TTC7B: variants seen among roughly 807,000 people sequenced by gnomAD.
TTC7B encodes the protein tetratricopeptide repeat domain 7B, also known as tetratricopeptide repeat protein 7B.
TTC7B carries 28 observed loss-of-function variants against 106.8 expected under a neutral mutation model. The observed-to-expected ratio is 0.26, with a 90% CI of 0.19 to 0.36. TTC7B has a LOEUF of 0.36. TTC7B is among the 10% of genes least tolerant of loss of function. The pLI, the probability that TTC7B is intolerant of heterozygous loss-of-function variation, is 1.00. For synonymous variants in TTC7B, 405 were observed against 430.6 expected (o/e 0.94, Z 0.74); for missense variants, 862 against 1,076.4 (o/e 0.80, Z 2.79).
At chr14:90,801,931 G>A (rs2140057256) in intron 1 of TTC7B, among the ~76,000 whole-genome samples, 1 of 152,098 alleles carries the variant, frequency 6.6e-6, no homozygotes, top group Non-Finnish European at 1.5e-5. Context: ...TATGGTGGTG[G>A]GTGCCTGTAA....
In TTC7B at chr14:90,541,125, T is replaced by G; in HGVS notation, c.*243A>C. Reference sequence around the variant, plus strand: ...ATGTCAACTAACAAAATATGGCACATGATCCATTTTGAACAATGTCAATAG... The same window carrying G: ...ATGTCAACTAACAAAATATGGCACAGGATCCATTTTGAACAATGTCAATAG... On this transcript the variant is annotated 3_prime_UTR_variant, in exon 20 of 20. Transcript: ENST00000328459. 1 of 419,010 alleles carries G rather than the reference T, an allele frequency of 2.4e-6. No homozygotes were observed. Among genetic ancestry groups the G allele is most frequent in the Non-Finnish European group, 4.2e-6 (1 of 236,790 alleles). The allele number at this position is 419,010 out of a possible 1,614,324, so 26.0% of individuals were successfully genotyped here. A position where few individuals can be genotyped will look rare whatever the true frequency, so the allele number is the denominator to read the frequency against.
At chr14:90,671,946 GCA>G (rs1185263042) in intron 9 of TTC7B, among the ~76,000 whole-genome samples, 19 of 152,196 alleles carry the variant, frequency 1.2e-4, no homozygotes, top group Admixed American at 1.2e-3. Flanking sequence ...ACCCCTGTGA[GCA>G]CAGTTATTAA....
rs1435659740 is a variant in TTC7B at position 90,711,498 on chromosome 14, T to A, written c.699-15920A>T. ...GTGCACTGGTGCAATATCAGCTCAC[T>A]GCAACCTCTGCCTCGCTGGTTCAAG... is the stretch of plus-strand genomic sequence containing the variant. On this transcript the variant is annotated intron_variant, in intron 5 of 19. Coordinates refer to ENST00000328459, the MANE Select transcript of TTC7B (RefSeq NM_001010854.2). Among the ~76,000 whole-genome samples the A allele has an allele frequency of 5.9e-5, 9 of 152,232 alleles. No homozygotes were observed. The East Asian group carries it at 1.5e-3, about 26-fold the overall frequency.
rs745959779 is a variant in TTC7B, at chr14:90,657,319, T to C, written c.1237-41A>G. 1.7e-5 allele frequency: 27 copies of C among 1,596,940 alleles called. No individual in the cohort carries two copies. The highest frequency in any genetic ancestry group is 2.3e-5 in the Non-Finnish European group (27 of 1,169,960). On this transcript the variant is annotated intron_variant, in intron 10 of 19. Coordinates refer to ENST00000328459, the MANE Select transcript of TTC7B (RefSeq NM_001010854.2). This position sits in a 1 kb window ranked among gnomAD's most constrained non-coding sequence, Gnocchi z 4.2. Reference sequence around the variant, plus strand: ...TTATTTCCGTGAAACTCAAAGTGTTTGACAGAACCGAATACTACAGCCTTC... The same window carrying C: ...TTATTTCCGTGAAACTCAAAGTGTTCGACAGAACCGAATACTACAGCCTTC...
At chr14:90,810,281 A>C (rs914586831) in intron 1 of TTC7B, among the ~76,000 whole-genome samples, 1 of 152,228 alleles carries the variant, frequency 6.6e-6, no homozygotes, top group Non-Finnish European at 1.5e-5. Context: ...TGTTTCAAAA[A>C]ATTCTGCATT....
In TTC7B at chr14:90,524,780, C is replaced by T. The variant is rs1889107489; in HGVS notation, c.*16588G>A. ...GAAACAGGGCTCACCTCGGTCTCCT[C>T]CTAAGCCTGGAGCTCTCAGGTGGTG... On this transcript the variant is annotated 3_prime_UTR_variant, in exon 20 of 20. Coordinates refer to ENST00000328459, the MANE Select transcript of TTC7B (RefSeq NM_001010854.2). 2 of 152,170 alleles carry T rather than the reference C, an allele frequency of 1.3e-5. No homozygotes were observed. Among genetic ancestry groups the T allele is most frequent in the Admixed American group, 1.3e-4 (2 of 15,272 alleles). The allele number at this position is 152,170 out of a possible 1,614,324, so 9.4% of individuals were successfully genotyped here. A position where few individuals can be genotyped will look rare whatever the true frequency, so the allele number is the denominator to read the frequency against.
intron 15 of TTC7B, among the ~76,000 whole-genome samples, chr14:90,627,593 G>A (rs1884502787): frequency 6.6e-6 from 1 of 152,190 alleles, no homozygotes; most frequent in South Asian, 2.1e-4. Context: ...GGCCTGGGCC[G>A]TGGCCGTCCC....
At position 90,617,921 on chromosome 14, in the gene TTC7B, C is replaced by T. The variant is rs557087190; in HGVS notation, c.1868+8G>A. 2.5e-6 allele frequency: 4 copies of T among 1,611,166 alleles called. No individual in the cohort carries two copies. The South Asian group carries it at 3.3e-5, about 13-fold the overall frequency. On this transcript the variant is annotated splice_region_variant and intron_variant, in intron 16 of 19. Coordinates refer to ENST00000328459, the MANE Select transcript of TTC7B (RefSeq NM_001010854.2). ...AGCCACGCAAAGCAGGCCCTGCTGGCCTCTTACCTGGGGTTGGTGAGGTTG... is the reference window on the plus strand; with the variant it reads ...AGCCACGCAAAGCAGGCCCTGCTGGTCTCTTACCTGGGGTTGGTGAGGTTG...
At chr14:90,587,287 A>G (rs1051300265) in intron 18 of TTC7B, among the ~76,000 whole-genome samples, 2 of 152,214 alleles carry the variant, frequency 1.3e-5, no homozygotes, top group African/African-American at 4.8e-5. Context: ...CAAGTCCCTC[A>G]GTAGCTTTCC....
chr14:90,707,145 G>A (rs1467401292), intron 5 of TTC7B, among the ~76,000 whole-genome samples: 1 of 152,184 alleles, frequency 6.6e-6, no homozygotes, highest in East Asian at 1.9e-4. Context: ...CGTGTTATAT[G>A]AGAAGTTTCA....
intron 11 of TTC7B, among the ~76,000 whole-genome samples, chr14:90,656,515 A>G (rs1418253303): frequency 1.3e-5 from 2 of 152,248 alleles, no homozygotes; most frequent in Non-Finnish European, 2.9e-5. Context: ...ATGTGAAGGA[A>G]TAGAAATGAA....
rs1452590673 is a variant in TTC7B, at chr14:90,541,454, C to G, written c.2446G>C (p.Ala816Pro). 6.2e-7 allele frequency: 1 copy of G among 1,613,956 alleles called. No homozygotes were observed. ...GCTGTCAGGAAGCACTCCGTAGCCG[C>G]CGCATCGTTGCCCTGAGCTTGGAGG... is the stretch of plus-strand genomic sequence containing the variant. ...EVLQAQGNDAAATECFLTALE... is the reference protein window; with the variant it reads ...EVLQAQGNDAPATECFLTALE... The change falls in exon 20 of 20, where the codon GCG (alanine) becomes CCG (proline). Residue 816 changes from alanine (A) to proline (P), a missense_variant. Ala to Pro is a conservative substitution (Grantham distance 27, BLOSUM62 -1). Coordinates refer to ENST00000328459, the MANE Select transcript of TTC7B (RefSeq NM_001010854.2).
At chr14:90,758,777 TGG>T (rs2140014703) in intron 3 of TTC7B, among the ~76,000 whole-genome samples, 1 of 152,276 alleles carries the variant, frequency 6.6e-6, no homozygotes, top group South Asian at 2.1e-4. Flanking sequence ...AATCTGCACC[TGG>T]GAGCCCCTCC....
intron 19 of TTC7B, among the ~76,000 whole-genome samples, chr14:90,553,345 T>C (rs1890167263): frequency 1.3e-5 from 2 of 152,182 alleles, no homozygotes; most frequent in Non-Finnish European, 2.9e-5. Context: ...AAATACTCAT[T>C]TTTTCAAAAA....
intron 7 of TTC7B, among the ~76,000 whole-genome samples, chr14:90,681,737 A>C (rs1208822349): frequency 6.6e-6 from 1 of 152,216 alleles, no homozygotes; most frequent in Non-Finnish European, 1.5e-5. Flanking sequence ...GGGGATGTGC[A>C]GTGACTTGCT....
chr14:90,643,524 T>A (rs1286425), intron 15 of TTC7B, among the ~76,000 whole-genome samples: 3,027 of 152,218 alleles, frequency 0.02, 102 homozygotes, highest in African/African-American at 0.069. Context: ...TTTAAAAAAA[T>A]AAGGATGACC....
intron 5 of TTC7B, among the ~76,000 whole-genome samples, chr14:90,728,942 CAG>C (rs1164034548): frequency 1.3e-5 from 2 of 152,166 alleles, no homozygotes; most frequent in African/African-American, 4.8e-5. Context: ...ACAAAGAAAA[CAG>C]AACTTCATCT....
At position 90,759,047 on chromosome 14, in the gene TTC7B, T is replaced by G. The variant is rs1202968127; in HGVS notation, c.446-14125A>C. On this transcript the variant is annotated intron_variant, in intron 3 of 19. Transcript: ENST00000328459. The surrounding 1 kb of genome is among the most constrained non-coding windows in gnomAD (Gnocchi z 4.1). ...CGTTCCTCTGTCTGTCTTGAGAGACTGCGGTGGGCCCTGCAGGGCAGCTGC... is the reference window on the plus strand; with the variant it reads ...CGTTCCTCTGTCTGTCTTGAGAGACGGCGGTGGGCCCTGCAGGGCAGCTGC... 6.6e-6 allele frequency among the ~76,000 whole-genome samples: 1 copy of G among 152,224 alleles called. No homozygotes were observed. The highest frequency in any genetic ancestry group is 1.9e-4 in the East Asian group (1 of 5,192).
intron 19 of TTC7B, among the ~76,000 whole-genome samples, chr14:90,553,083 G>A (rs1890154543): frequency 6.6e-6 from 1 of 152,204 alleles, no homozygotes; most frequent in Admixed American, 6.5e-5. Flanking sequence ...CTCTTCCTCA[G>A]GGAGTGTGCC....
Sources: gnomAD v4.1 joint callset for allele counts (sites outside exome capture counted in the v4.1 genomes callset) on GRCh38, gnomAD v4.1.1 for gene constraint, Gnocchi (gnomAD v3.1) non-coding constraint, MANE v1.5 for transcripts, NCBI Gene and HGNC (gene_info 2026-07-23, HGNC 2026-07-21) for gene names.